The following GREB1L variants were observed in gnomAD, a reference collection of about 807,000 sequenced individuals.
GREB1L encodes GREB1-like protein.
GREB1L carries 17 observed loss-of-function variants against 200.8 expected under a neutral mutation model. That is an observed-to-expected ratio of 0.08 (90% CI 0.06 to 0.13). The LOEUF (loss-of-function observed/expected upper bound fraction) is 0.13, where lower values mean the gene tolerates loss of function less well. GREB1L is among the 10% of genes least tolerant of loss of function. GREB1L has a pLI of 1.00. For missense variants in GREB1L, 1,657 were observed against 2,367.7 expected (o/e 0.70, Z 6.23); for synonymous variants, 789 against 893.0 (o/e 0.88, Z 2.08).
At chr18:21,452,467 C>CT (rs1235894288) in intron 14 of GREB1L, 2 of 405,504 alleles carry the variant, frequency 4.9e-6, no homozygotes, top group East Asian at 8.7e-5. Context: ...AGCACTCTCT[C>CT]TTTTTTCTCT....
At position 21,516,658 on chromosome 18, in the gene GREB1L, T is replaced by C. The variant is rs2037427949; in HGVS notation, c.5175T>C (p.Ser1725=). Residue 1725 remains serine (S), a synonymous_variant, in exon 30 of 33, where the codon AGT becomes AGC. Transcript: ENST00000424526. ...DADFNLRTNS[S]GLLICRFNNF... ...ACTTTAATCTGAGAACAAACAGTAG[T>C]GGCCTGCTCATCTGCCGCTTTAATA... The C allele has an allele frequency of 1.3e-6, 2 of 1,551,380 alleles. No homozygotes were observed. Among genetic ancestry groups the C allele is most frequent in the African/African-American group, 1.4e-5 (1 of 73,048 alleles).
chr18:21,305,784 T>C (rs756065069), intron 1 of GREB1L, among the ~76,000 whole-genome samples: 20 of 152,214 alleles, frequency 1.3e-4, no homozygotes, highest in Non-Finnish European at 2.6e-4. Flanking sequence ...TACTGTCTTA[T>C]CTCCTATCAC....
At chr18:21,330,559 T>G (rs2039092492) in intron 1 of GREB1L, among the ~76,000 whole-genome samples, 2 of 152,172 alleles carry the variant, frequency 1.3e-5, no homozygotes, top group South Asian at 4.1e-4. Flanking sequence ...CCTGCATGTT[T>G]TGCTCCTCCA....
intron 16 of GREB1L, among the ~76,000 whole-genome samples, chr18:21,476,890 T>C (rs1348729937): frequency 1.3e-5 from 2 of 152,048 alleles, no homozygotes; most frequent in African/African-American, 4.8e-5. Flanking sequence ...AACTGCAGAT[T>C]TAGATATCAC....
At chr18:21,461,957 T>C (rs2035063990) in intron 15 of GREB1L, among the ~76,000 whole-genome samples, 1 of 152,214 alleles carries the variant, frequency 6.6e-6, no homozygotes, top group Non-Finnish European at 1.5e-5. Context: ...AGACATTAGT[T>C]AATGTGTTCC....
chr18:21,408,191 T>A (rs1161260646), intron 7 of GREB1L, among the ~76,000 whole-genome samples: 1 of 152,216 alleles, frequency 6.6e-6, no homozygotes, highest in Non-Finnish European at 1.5e-5. Flanking sequence ...ATTTAATCAT[T>A]ACATATTGTA....
chr18:21,495,808 C>A, intron 20 of GREB1L, 23 bp downstream of exon 20: 3 of 1,292,662 alleles, frequency 2.3e-6, no homozygotes, highest in Non-Finnish European at 3.2e-6. Flanking sequence ...TAATTAATTC[C>A]ATTTTTCATC....
intron 6 of GREB1L, 46 bp from the exon 7 acceptor site, chr18:21,403,826 C>G (rs2041416991): frequency 6.6e-7 from 1 of 1,513,478 alleles, no homozygotes; most frequent in East Asian, 2.5e-5. Context: ...CCTGTTTTAA[C>G]AGAACATTGG....
chr18:21,378,797 CTAATGCTTTTG>C (rs1319630373), intron 2 of GREB1L, among the ~76,000 whole-genome samples: 1 of 152,116 alleles, frequency 6.6e-6, no homozygotes, highest in Non-Finnish European at 1.5e-5. Flanking sequence ...CTGAATATTG[CTAATGCTTTTG>C]TAGGATTCTG....
Position 21,395,280 on chromosome 18 carries a change from T to G in GREB1L, c.356-105T>G, listed in dbSNP as rs2041006858. On this transcript the variant is annotated intron_variant, in intron 4 of 32. Transcript: ENST00000424526. ...GGGGTATAGGGACTTTAATTTAGTC[T>G]GTAATAGTGATTCTCAAAAATAAAT... The G allele has an allele frequency of 3.3e-6, 3 of 896,076 alleles. No homozygotes were observed. In the Admixed American group the frequency reaches 7.4e-5, roughly 22 times the overall value. 55.5% of individuals were successfully genotyped at this position (896,076 alleles called of 1,614,324 possible). A position where few individuals can be genotyped will look rare whatever the true frequency, so the allele number is the denominator to read the frequency against.
In GREB1L at chr18:21,522,653, T is replaced by C. The variant is rs1197749192; in HGVS notation, c.5609-5T>C. The stretch of plus-strand genomic sequence containing the variant: ...TAGGACATATTTCTGTCTTTTTTCC[T>C]GAAGGTGCTACACTGTGTGTCATCT... On this transcript the variant is annotated splice_polypyrimidine_tract_variant and splice_region_variant and intron_variant, in intron 32 of 32. Transcript: ENST00000424526. 6.5e-7 allele frequency: 1 copy of C among 1,541,474 alleles called. No homozygotes were observed. Among genetic ancestry groups the C allele is most frequent in the Non-Finnish European group, 8.8e-7 (1 of 1,141,984 alleles).
chr18:21,492,345 CA>C (rs201213153), intron 19 of GREB1L, among the ~76,000 whole-genome samples: 11 of 142,992 alleles, frequency 7.7e-5, no homozygotes, highest in Admixed American at 2.1e-4. Flanking sequence ...GACTCTGTCT[CA>C]AAAAAAAAAG....
chr18:21,497,330 G>A (rs2036584011), intron 21 of GREB1L, among the ~76,000 whole-genome samples: 1 of 152,176 alleles, frequency 6.6e-6, no homozygotes, highest in African/African-American at 2.4e-5. Context: ...GATTATGAAA[G>A]TAATAAAGCT....
At chr18:21,511,633 T>C (rs1228034596) in intron 27 of GREB1L, among the ~76,000 whole-genome samples, 1 of 152,180 alleles carries the variant, frequency 6.6e-6, no homozygotes, top group Non-Finnish European at 1.5e-5. Flanking sequence ...TGCATGTGAC[T>C]ATCAGGTTTT....
Position 21,288,902 on chromosome 18 carries a change from T to G in GREB1L, c.-120+46509T>G, listed in dbSNP as rs531261014. ...ACAGGCGCCCACCACCACGCCCAGC[T>G]AATTTTTGTATTTTTAGTAGAGACA... On this transcript the variant is annotated intron_variant, in intron 1 of 32. Transcript: ENST00000424526. Among the ~76,000 whole-genome samples the G allele has an allele frequency of 3.9e-5, 6 of 152,178 alleles. No homozygotes were observed. In the South Asian group the frequency reaches 1.2e-3, roughly 32 times the overall value.
At position 21,406,518 on chromosome 18, in the gene GREB1L, C is replaced by T. The variant is rs570877860; in HGVS notation, c.832+2524C>T. On this transcript the variant is annotated intron_variant, in intron 7 of 32. Coordinates refer to ENST00000424526, the MANE Select transcript of GREB1L (RefSeq NM_001142966.3). The stretch of plus-strand genomic sequence containing the variant: ...TGTGTTAATGAATTATGTTTATAGA[C>T]TTTTCAATAATTTCTTTCTTCTGAC... 5.3e-5 allele frequency among the ~76,000 whole-genome samples: 8 copies of T among 152,324 alleles called. No individual in the cohort carries two copies. The East Asian group carries it at 1.5e-3, about 29-fold the overall frequency.
chr18:21,278,389 A>AAAAAAAATAAAT (rs750178610), intron 1 of GREB1L, among the ~76,000 whole-genome samples: 11 of 125,618 alleles, frequency 8.8e-5, no homozygotes, highest in South Asian at 4.8e-4. Context: ...TCAAAAAAAA[A>AAAAAAAATAAAT]AAATAAATAA....
In GREB1L at chr18:21,444,772, AC is replaced by A. The variant is rs1354902817; in HGVS notation, c.1393+365del. Among the ~76,000 whole-genome samples, 37 of 152,280 alleles carry A rather than the reference AC, an allele frequency of 2.4e-4. 1 individual carries two copies. The Middle Eastern group carries it at 0.01, about 42-fold the overall frequency. Reference sequence around the variant, plus strand: ...AGGCCACCTTTCTGAAAGTGCACCTACCATCTGGAGTGCAAACACAGCCATT... The same window carrying A: ...AGGCCACCTTTCTGAAAGTGCACCTACATCTGGAGTGCAAACACAGCCATT... On this transcript the variant is annotated intron_variant, in intron 11 of 32. Transcript: ENST00000424526.
chr18:21,252,693 C>A (rs1024922101), intron 1 of GREB1L, among the ~76,000 whole-genome samples: 1 of 151,750 alleles, frequency 6.6e-6, no homozygotes, highest in Non-Finnish European at 1.5e-5. Flanking sequence ...CATGGCAAAA[C>A]CCTGTCTCTA....
Sources: gnomAD v4.1 joint callset for allele counts (sites outside exome capture counted in the v4.1 genomes callset) on GRCh38, gnomAD v4.1.1 for gene constraint, MANE v1.5 for transcripts, NCBI Gene and HGNC (gene_info 2026-07-23, HGNC 2026-07-21) for gene names.